Variants in EML6 observed in about 807,000 individuals in gnomAD.
EML6 encodes EMAP like 6, also known as echinoderm microtubule-associated protein-like 6.
Under a neutral mutation model 240.1 loss-of-function variants are expected in EML6, and 154 were observed. The observed-to-expected ratio is 0.64, with a 90% CI of 0.56 to 0.73. The LOEUF is 0.73. Ranked by LOEUF, EML6 falls within the 30% of genes least tolerant of loss-of-function variation. EML6 has a pLI of 0.00. For missense variants in EML6, 2,964 were observed against 2,474.6 expected (o/e 1.20, Z -4.20); for synonymous variants, 1,148 against 899.0 (o/e 1.28, Z -4.95).
rs542421998 is a variant in EML6 at position 54,954,863 on chromosome 2, C to G, written c.4486+707C>G. Reference sequence around the variant, plus strand: ...TAGTCAGAACATTAATGAGGTCTGTCTGCAGCTAGGCAGCCTGTATCTGGG... The same window carrying G: ...TAGTCAGAACATTAATGAGGTCTGTGTGCAGCTAGGCAGCCTGTATCTGGG... On this transcript the variant is annotated intron_variant, in intron 32 of 41. Transcript: ENST00000356458. Among the ~76,000 whole-genome samples, 3 of 152,360 alleles carry G rather than the reference C, an allele frequency of 2.0e-5. No individual in the cohort carries two copies. In the East Asian group the frequency reaches 5.8e-4, roughly 29 times the overall value.
chr2:54,821,685 T>TA (rs1174202552), intron 5 of EML6, among the ~76,000 whole-genome samples: 3 of 152,008 alleles, frequency 2.0e-5, no homozygotes, highest in East Asian at 3.9e-4. Context: ...TACAAAGAAA[T>TA]AAAAAAAGCT....
chr2:54,934,806 C>A (rs1321320983), intron 28 of EML6, among the ~76,000 whole-genome samples: 1 of 152,152 alleles, frequency 6.6e-6, no homozygotes, highest in Non-Finnish European at 1.5e-5. Flanking sequence ...TACACCTTGG[C>A]CTCCCAAGTG....
At chr2:54,820,250 C>A (rs946033414) in intron 4 of EML6, 144 bp from the exon 5 acceptor site, 9 of 592,760 alleles carry the variant, frequency 1.5e-5, no homozygotes, top group Non-Finnish European at 2.4e-5. Context: ...CTGACTCATT[C>A]CAAGCCAAAT....
At chr2:54,952,483 T>G in intron 30 of EML6, 111 bp from the exon 31 acceptor site, 1 of 628,380 alleles carries the variant, frequency 1.6e-6, no homozygotes, top group Non-Finnish European at 2.7e-6. Flanking sequence ...TTGAGGGCTG[T>G]AAGCTCTCAC....
At chr2:54,920,509 T>C (rs1674168066) in intron 26 of EML6, among the ~76,000 whole-genome samples, 1 of 152,188 alleles carries the variant, frequency 6.6e-6, no homozygotes, top group Non-Finnish European at 1.5e-5. Context: ...AGATTGAATC[T>C]GTAATCAAGA....
intron 28 of EML6, among the ~76,000 whole-genome samples, chr2:54,933,990 T>A (rs1044343839): frequency 2.0e-5 from 3 of 152,112 alleles, no homozygotes; most frequent in Admixed American, 2.0e-4. Context: ...TTTTTTTGAA[T>A]CACCACTTTG....
At chr2:54,831,862 G>T (rs1318399417) in intron 7 of EML6, among the ~76,000 whole-genome samples, 1 of 152,200 alleles carries the variant, frequency 6.6e-6, no homozygotes, top group African/African-American at 2.4e-5. Context: ...CCACAGTGTG[G>T]ATGCTGTGGA....
At chr2:54,765,501 C>T (rs1002129176) in intron 2 of EML6, among the ~76,000 whole-genome samples, 1 of 152,132 alleles carries the variant, frequency 6.6e-6, no homozygotes, top group African/African-American at 2.4e-5. Flanking sequence ...CGCTTAGTCG[C>T]CCAGGTTGGA....
At chr2:54,789,513 C>CAAAAAAAAAAAAAAAAAAAA (rs576842183) in intron 2 of EML6, among the ~76,000 whole-genome samples, 1 of 77,898 alleles carries the variant, frequency 1.3e-5, no homozygotes, top group Non-Finnish European at 2.5e-5. Context: ...GACTTCGTCT[C>CAAAAAAAAAAAAAAAAAAAA]AAAAAAAAAA....
At chr2:54,924,923 C>T (rs1674464410) in intron 26 of EML6, among the ~76,000 whole-genome samples, 1 of 152,118 alleles carries the variant, frequency 6.6e-6, no homozygotes, top group African/African-American at 2.4e-5. Flanking sequence ...ACATGAATCT[C>T]TTGCCAATGA....
At chr2:54,897,891 A>G (rs1284579955) in intron 21 of EML6, among the ~76,000 whole-genome samples, 2 of 152,114 alleles carry the variant, frequency 1.3e-5, no homozygotes, top group Non-Finnish European at 2.9e-5. Flanking sequence ...CTGAGAGATG[A>G]TAGAGACAGC....
intron 17 of EML6, among the ~76,000 whole-genome samples, chr2:54,889,422 C>G (rs1157021629): frequency 2.0e-5 from 2 of 98,442 alleles, no homozygotes; most frequent in East Asian, 4.2e-4. Flanking sequence ...TTTTCCTTTC[C>G]AAGAACATGG....
intron 24 of EML6, among the ~76,000 whole-genome samples, chr2:54,906,413 G>A (rs1460988526): frequency 1.3e-5 from 2 of 152,164 alleles, no homozygotes; most frequent in South Asian, 4.2e-4. Context: ...GGGAAGGTCT[G>A]TGTAAAGTCC....
At chr2:54,779,569 A>T (rs1668755236) in intron 2 of EML6, among the ~76,000 whole-genome samples, 1 of 145,252 alleles carries the variant, frequency 6.9e-6, no homozygotes, top group African/African-American at 2.6e-5. Flanking sequence ...AAAAAAGAAT[A>T]TAGGAAGGAG....
intron 28 of EML6, among the ~76,000 whole-genome samples, chr2:54,947,540 C>G (rs899117601): frequency 1.4e-5 from 2 of 138,306 alleles, no homozygotes; most frequent in Non-Finnish European, 3.3e-5. Context: ...GCAGGCTGAC[C>G]TACCAAGAAA....
At chr2:54,787,981 C>A (rs568240240) in intron 2 of EML6, among the ~76,000 whole-genome samples, 25 of 152,142 alleles carry the variant, frequency 1.6e-4, no homozygotes, top group Non-Finnish European at 3.4e-4. Flanking sequence ...CCTCATCTCG[C>A]AGACCCAAAA....
chr2:54,787,332 T>C (rs1261636072), intron 2 of EML6, among the ~76,000 whole-genome samples: 3 of 152,138 alleles, frequency 2.0e-5, no homozygotes, highest in Non-Finnish European at 2.9e-5. Flanking sequence ...ATGTCAGTTT[T>C]TAATGAGAAT....
intron 2 of EML6, among the ~76,000 whole-genome samples, chr2:54,788,452 C>T (rs1298158459): frequency 6.6e-6 from 1 of 151,862 alleles, no homozygotes; most frequent in Non-Finnish European, 1.5e-5. Context: ...CATGTGTCCA[C>T]GCTTAGGATT....
chr2:54,922,631 G>T (rs1674318842), intron 26 of EML6, among the ~76,000 whole-genome samples: 1 of 152,152 alleles, frequency 6.6e-6, no homozygotes, highest in Non-Finnish European at 1.5e-5. Flanking sequence ...CCAAGATATG[G>T]AAACAACTGA....
Sources: gnomAD v4.1 joint callset for allele counts (sites outside exome capture counted in the v4.1 genomes callset) on GRCh38, gnomAD v4.1.1 for gene constraint, MANE v1.5 for transcripts, NCBI Gene and HGNC (gene_info 2026-07-23, HGNC 2026-07-21) for gene names.